PRR16: variants seen among roughly 807,000 people sequenced by gnomAD.
PRR16 encodes protein Largen.
PRR16 carries 6 observed loss-of-function variants against 18.2 expected under a neutral mutation model. That is an observed-to-expected ratio of 0.33 (90% CI 0.18 to 0.65). The LOEUF (loss-of-function observed/expected upper bound fraction) is 0.65, where lower values mean the gene tolerates loss of function less well. PRR16 is among the 30% of genes least tolerant of loss of function. The pLI is 0.74. For missense variants in PRR16, 412 were observed against 376.6 expected (o/e 1.09, Z -0.78); for synonymous variants, 151 against 147.8 (o/e 1.02, Z -0.16).
chr5:120,505,633 AG>A (rs1232601896), intron 1 of PRR16, among the ~76,000 whole-genome samples: 2 of 152,210 alleles, frequency 1.3e-5, no homozygotes, highest in African/African-American at 4.8e-5. Flanking sequence ...CAATGAAAAA[AG>A]TGAATTGGGA....
the PRR16 span, among the ~76,000 whole-genome samples, chr5:120,736,628 C>T: frequency 1.6e-5 from 2 of 125,026 alleles, no homozygotes; most frequent in Non-Finnish European, 3.2e-5. Context: ...TCTGCAAAAA[C>T]TGTCATTGGG....
chr5:120,737,339 AT>A, the PRR16 span, among the ~76,000 whole-genome samples: 1 of 52,458 alleles, frequency 1.9e-5, no homozygotes, highest in East Asian at 7.1e-4. Context: ...TTTTTTTTTT[AT>A]GAAAGGGTGT....
the PRR16 span, among the ~76,000 whole-genome samples, chr5:120,722,375 C>A: frequency 1.3e-5 from 2 of 151,782 alleles, no homozygotes; most frequent in East Asian, 3.9e-4. Flanking sequence ...AAGGTCCTGG[C>A]AAGATATATT....
chr5:120,775,202 ATTACATATT>A, the PRR16 span, among the ~76,000 whole-genome samples: 1 of 152,160 alleles, frequency 6.6e-6, no homozygotes, highest in South Asian at 2.1e-4. Context: ...CTCTTGATAT[ATTACATATT>A]ATTTGTGATA....
At chr5:120,489,622 T>C (rs541134954) in intron 1 of PRR16, among the ~76,000 whole-genome samples, 11 of 152,326 alleles carry the variant, frequency 7.2e-5, no homozygotes, top group African/African-American at 2.6e-4. Context: ...CCATTCTGTG[T>C]CTTTTAATTG....
Position 120,484,595 on chromosome 5 carries a change from A to T in PRR16, c.159+19950A>T, listed in dbSNP as rs1251497362. 3.4e-5 allele frequency among the ~76,000 whole-genome samples: 5 copies of T among 146,084 alleles called. No homozygotes were observed. The East Asian group carries it at 9.8e-4, about 29-fold the overall frequency. On this transcript the variant is annotated intron_variant, in intron 1 of 1. Transcript: ENST00000407149. ...TATATTCATTTATATATAGTATATA[A>T]TATATAATATATTATACATATATTG...
chr5:120,707,979 G>C, the PRR16 span, among the ~76,000 whole-genome samples: 2 of 152,058 alleles, frequency 1.3e-5, no homozygotes, highest in African/African-American at 4.8e-5. Flanking sequence ...TTACTGTTTG[G>C]TTTTTAGCTT....
chr5:120,618,712 A>G (rs373917298), intron 1 of PRR16: 45 of 255,150 alleles, frequency 1.8e-4, no homozygotes, highest in African/African-American at 1.0e-3. Context: ...AGAGAGACCA[A>G]TGGATAAATA....
the PRR16 span, among the ~76,000 whole-genome samples, chr5:120,753,297 A>G: frequency 6.6e-6 from 1 of 152,022 alleles, no homozygotes; most frequent in Non-Finnish European, 1.5e-5. Context: ...TTCAGCACAG[A>G]AATAGGGTTG....
At chr5:120,761,956 G>A in the PRR16 span, among the ~76,000 whole-genome samples, 8 of 151,894 alleles carry the variant, frequency 5.3e-5, no homozygotes, top group African/African-American at 1.9e-4. Context: ...TCCCATATAT[G>A]AGCGAAAATA....
At chr5:120,776,743 T>C in the PRR16 span, among the ~76,000 whole-genome samples, 3 of 152,154 alleles carry the variant, frequency 2.0e-5, no homozygotes, top group Admixed American at 6.5e-5. Flanking sequence ...TTGCAATCTT[T>C]GTTAAAGTCT....
the PRR16 span, among the ~76,000 whole-genome samples, chr5:120,753,673 C>T: frequency 6.6e-6 from 1 of 150,744 alleles, no homozygotes; most frequent in Middle Eastern, 3.4e-3. Flanking sequence ...ATGCCAATCA[C>T]TGTGCCAGAT....
intron 1 of PRR16, among the ~76,000 whole-genome samples, chr5:120,624,983 C>T (rs918715881): frequency 2.8e-4 from 43 of 152,252 alleles, no homozygotes; most frequent in African/African-American, 9.4e-4. Context: ...TTTCACCTGC[C>T]GCCATGATTG....
chr5:120,669,108 TC>T (rs1756500832), intron 1 of PRR16, among the ~76,000 whole-genome samples: 1 of 152,106 alleles, frequency 6.6e-6, no homozygotes, highest in South Asian at 2.1e-4. Flanking sequence ...TGACACTGAG[TC>T]TTTTAAGCAA....
intron 1 of PRR16, among the ~76,000 whole-genome samples, chr5:120,660,670 C>A (rs1443839592): frequency 6.6e-6 from 1 of 151,974 alleles, no homozygotes; most frequent in Non-Finnish European, 1.5e-5. Flanking sequence ...AAGCCAATCT[C>A]CTCCATCTCC....
chr5:120,636,417 A>G (rs184883541), intron 1 of PRR16, among the ~76,000 whole-genome samples: 365 of 152,340 alleles, frequency 2.4e-3, no homozygotes, highest in Admixed American at 4.6e-3. Flanking sequence ...TAGTAGCAGT[A>G]TAAAAATAGG....
chr5:120,772,883 T>G, the PRR16 span, among the ~76,000 whole-genome samples: 1 of 152,134 alleles, frequency 6.6e-6, no homozygotes, highest in African/African-American at 2.4e-5. Flanking sequence ...AGATTTTACT[T>G]TATCTGAAGC....
the PRR16 span, among the ~76,000 whole-genome samples, chr5:120,714,760 C>G: frequency 1.6e-3 from 239 of 152,198 alleles, 1 homozygote; most frequent in African/African-American, 4.9e-3. Context: ...CAATGATAGA[C>G]TGGATAAAGA....
At chr5:120,481,137 A>C in intron 1 of PRR16, 1 of 1,160,086 alleles carries the variant, frequency 8.6e-7, no homozygotes, top group South Asian at 1.4e-5. Flanking sequence ...CCAATGTTTT[A>C]AAATATATCT....
Sources: gnomAD v4.1 joint callset for allele counts (sites outside exome capture counted in the v4.1 genomes callset) on GRCh38, gnomAD v4.1.1 for gene constraint, MANE v1.5 for transcripts, NCBI Gene and HGNC (gene_info 2026-07-23, HGNC 2026-07-21) for gene names.